The following ZNF532 variants were observed in gnomAD, a reference collection of about 807,000 sequenced individuals.
ZNF532 encodes the protein zinc finger protein 532.
ZNF532 carries 22 observed loss-of-function variants against 89.3 expected under a neutral mutation model. The ratio of observed to expected loss-of-function variants is 0.25; its 90% CI spans 0.18 to 0.35. ZNF532 has a LOEUF of 0.35. ZNF532 is among the 10% of genes least tolerant of loss of function. The pLI is 1.00. For missense variants in ZNF532, 1,132 were observed against 1,643.4 expected (o/e 0.69, Z 5.38); for synonymous variants, 606 against 649.6 (o/e 0.93, Z 1.02).
At chr18:58,886,315 G>A (rs116126645) in intron 2 of ZNF532, among the ~76,000 whole-genome samples, 2,148 of 152,086 alleles carry the variant, frequency 0.014, 45 homozygotes, top group African/African-American at 0.049. Context: ...GGAATTTTAC[G>A]TGTCTATATG....
At chr18:58,974,520 C>T (rs1460223596) in intron 7 of ZNF532, among the ~76,000 whole-genome samples, 2 of 152,190 alleles carry the variant, frequency 1.3e-5, no homozygotes, top group Non-Finnish European at 2.9e-5. Context: ...AACACTTATG[C>T]TGAAACAAAT....
chr18:58,890,669 T>C (rs2058831698), intron 2 of ZNF532, among the ~76,000 whole-genome samples: 1 of 151,590 alleles, frequency 6.6e-6, no homozygotes, highest in African/African-American at 2.4e-5. Flanking sequence ...ACCTGTATTC[T>C]CACCAGTCAC....
chr18:58,870,965 T>C (rs1394952369), intron 2 of ZNF532, among the ~76,000 whole-genome samples: 1 of 152,098 alleles, frequency 6.6e-6, no homozygotes, highest in Non-Finnish European at 1.5e-5. Flanking sequence ...GGAGGGTTGC[T>C]TGGGCTGGAG....
At chr18:58,962,602 G>C (rs990924052) in intron 7 of ZNF532, among the ~76,000 whole-genome samples, 1 of 149,778 alleles carries the variant, frequency 6.7e-6, no homozygotes. Context: ...CCTGGCCCTG[G>C]CATTCTTTTT....
intron 7 of ZNF532, among the ~76,000 whole-genome samples, chr18:58,965,848 AG>A (rs1417905533): frequency 3.3e-5 from 5 of 152,220 alleles, no homozygotes; most frequent in African/African-American, 9.6e-5. Flanking sequence ...GGATTGTAGC[AG>A]GGCCTGAGCC....
chr18:58,901,233 C>T (rs137901152), intron 2 of ZNF532, among the ~76,000 whole-genome samples: 26 of 152,292 alleles, frequency 1.7e-4, no homozygotes, highest in African/African-American at 5.3e-4. Flanking sequence ...CAGTGGCCTT[C>T]GTCTCCTCTT....
chr18:58,874,262 A>G (rs2057246671), intron 2 of ZNF532, among the ~76,000 whole-genome samples: 1 of 152,154 alleles, frequency 6.6e-6, no homozygotes. Context: ...ACACAAGGGT[A>G]GTGTATTTGT....
intron 2 of ZNF532, among the ~76,000 whole-genome samples, chr18:58,909,516 A>G (rs1027736592): frequency 2.0e-5 from 3 of 152,186 alleles, no homozygotes; most frequent in Admixed American, 6.5e-5. Context: ...AGATAACAAA[A>G]GAGAATCTGA....
upstream of ZNF532, chr18:58,863,530 C>CGG (rs1568188270): frequency 9.7e-6 from 1 of 103,130 alleles, no homozygotes. Context: ...GCCGCCCGGC[C>CGG]CGGCGGCGAG....
intron 7 of ZNF532, among the ~76,000 whole-genome samples, chr18:58,974,201 A>G (rs958126718): frequency 6.6e-6 from 1 of 152,230 alleles, no homozygotes; most frequent in Non-Finnish European, 1.5e-5. Flanking sequence ...ATGAAGGAAT[A>G]TAGTGAAGTC....
Position 58,913,634 on chromosome 18 carries a change from T to A in ZNF532, c.-17-4637T>A, listed in dbSNP as rs57737289. Among the ~76,000 whole-genome samples the A allele has an allele frequency of 3.4e-3, 524 of 151,972 alleles. 2 individuals carry two copies. Among genetic ancestry groups the A allele is most frequent in the Admixed American group, 0.011 (170 of 15,270 alleles). On this transcript the variant is annotated intron_variant, in intron 2 of 9. Transcript: ENST00000591808. ...TATATATATAAAAGAATTATTTTTT[T>A]AAAAATTCAGCGGAATAAAAAAGAT... is the stretch of plus-strand genomic sequence containing the variant.
intron 2 of ZNF532, among the ~76,000 whole-genome samples, chr18:58,915,326 T>G (rs1239356053): frequency 6.6e-6 from 1 of 152,186 alleles, no homozygotes; most frequent in African/African-American, 2.4e-5. Flanking sequence ...CTGACTCACT[T>G]TTTAAAACTA....
chr18:58,939,666 C>A, intron 5 of ZNF532, 45 bp downstream of exon 5: 1 of 1,560,796 alleles, frequency 6.4e-7, no homozygotes. Context: ...GCTTTATTAG[C>A]AATTTAGAAG....
intron 2 of ZNF532, among the ~76,000 whole-genome samples, chr18:58,877,504 TG>T (rs1353733975): frequency 6.6e-6 from 1 of 152,262 alleles, no homozygotes; most frequent in Non-Finnish European, 1.5e-5. Flanking sequence ...GTCTGTTGCA[TG>T]AGTTCAGTTT....
intron 3 of ZNF532, 128 bp downstream of exon 3, chr18:58,920,761 T>G: frequency 1.6e-6 from 1 of 635,476 alleles, no homozygotes; most frequent in Non-Finnish European, 2.6e-6. Context: ...TGTGTGTGTG[T>G]GTGTGTGTGT....
intron 3 of ZNF532, among the ~76,000 whole-genome samples, chr18:58,925,066 G>A (rs997936534): frequency 6.6e-6 from 1 of 152,166 alleles, no homozygotes; most frequent in East Asian, 1.9e-4. Flanking sequence ...GATGGATAAA[G>A]CTATTATTAA....
intron 4 of ZNF532, among the ~76,000 whole-genome samples, chr18:58,937,475 A>G (rs1424493431): frequency 1.3e-5 from 2 of 152,132 alleles, no homozygotes; most frequent in Admixed American, 6.5e-5. Context: ...AAAAAATTCC[A>G]TCTTTATTTT....
intron 2 of ZNF532, among the ~76,000 whole-genome samples, chr18:58,880,763 C>CTGTGTGTGTGTGTGTGT (rs770638520): frequency 0.021 from 2,517 of 119,596 alleles, 119 homozygotes; most frequent in Middle Eastern, 0.048. Context: ...CGCGCGCGCA[C>CTGTGTGTGTGTGTGTGT]GCGCGCGCGT....
intron 2 of ZNF532, among the ~76,000 whole-genome samples, chr18:58,866,789 A>G (rs964772894): frequency 6.6e-6 from 1 of 152,258 alleles, no homozygotes; most frequent in Non-Finnish European, 1.5e-5. Flanking sequence ...AACATCCACT[A>G]TGTGATAAAA....
Sources: allele counts gnomAD v4.1 joint callset (sites outside exome capture counted in the v4.1 genomes callset), GRCh38; gene constraint gnomAD v4.1.1; transcripts MANE v1.5; gene names NCBI Gene and HGNC (gene_info 2026-07-23, HGNC 2026-07-21).